Variants in MCCC2 observed in about 807,000 individuals in gnomAD.
MCCC2 encodes methylcrotonyl-CoA carboxylase subunit 2.
In MCCC2, 52 loss-of-function variants were observed where a neutral mutation model predicts 77.2. The observed-to-expected ratio is 0.67, with a 90% CI of 0.54 to 0.85. MCCC2 has a LOEUF of 0.85. MCCC2 is among the 40% of genes least tolerant of loss of function. The pLI is 0.00. For synonymous variants in MCCC2, 253 were observed against 248.4 expected, an observed-to-expected ratio of 1.02 and a Z score of -0.18; for missense variants, 682 against 703.2, an observed-to-expected ratio of 0.97 and a Z score of 0.34.
At chr5:71,642,952 AT>A (rs1407631084) in intron 11 of MCCC2, among the ~76,000 whole-genome samples, 1 of 144,712 alleles carries the variant, frequency 6.9e-6, no homozygotes, top group African/African-American at 2.6e-5. Context: ...GCAGTGAGCC[AT>A]GATCTCGCCA....
chr5:71,645,695 T>C (rs1247383272), intron 12 of MCCC2, among the ~76,000 whole-genome samples: 1 of 152,230 alleles, frequency 6.6e-6, no homozygotes, highest in Non-Finnish European at 1.5e-5. Context: ...CTTTCTTTTC[T>C]GTTACTTAAG....
chr5:71,635,454 ACC>A, intron 10 of MCCC2: 1 of 638,468 alleles, frequency 1.6e-6, no homozygotes, highest in Admixed American at 2.2e-5. Flanking sequence ...GGAGTGGGGG[ACC>A]TCAATGATTG....
At position 71,658,483 on chromosome 5, in the gene MCCC2, T is replaced by C. The variant is rs1273272395; in HGVS notation, c.*1623T>C. On this transcript the variant is annotated 3_prime_UTR_variant, in exon 17 of 17. Coordinates refer to ENST00000340941, the MANE Select transcript of MCCC2 (RefSeq NM_022132.5). ...CATCATTTTCCTATAAACATTAATA[T>C]TGTCCTCCTGCTAGAATGTAAGCTC... is the stretch of plus-strand genomic sequence containing the variant. 1.3e-5 allele frequency: 2 copies of C among 152,216 alleles called. No homozygotes were observed. The highest frequency in any genetic ancestry group is 1.9e-4 in the East Asian group (1 of 5,202). 9.4% of individuals were successfully genotyped at this position (152,216 alleles called of 1,614,324 possible). A position where few individuals can be genotyped will look rare whatever the true frequency, so the allele number is the denominator to read the frequency against.
intron 10 of MCCC2, among the ~76,000 whole-genome samples, chr5:71,639,565 C>T: frequency 6.6e-6 from 1 of 152,192 alleles, no homozygotes; most frequent in Non-Finnish European, 1.5e-5. Context: ...CTCAAACCTT[C>T]TCCATATCAG....
At chr5:71,656,222 A>G (rs149890977) in intron 16 of MCCC2, among the ~76,000 whole-genome samples, 5 of 152,258 alleles carry the variant, frequency 3.3e-5, no homozygotes, top group African/African-American at 1.2e-4. Flanking sequence ...TCCATCTCAA[A>G]AATAATAATA....
At chr5:71,626,381 A>T (rs1014295913) in intron 6 of MCCC2, among the ~76,000 whole-genome samples, 4 of 152,252 alleles carry the variant, frequency 2.6e-5, no homozygotes, top group Non-Finnish European at 4.4e-5. Flanking sequence ...CCAGTAGTCT[A>T]TCAGGCCAGT....
intron 13 of MCCC2, among the ~76,000 whole-genome samples, chr5:71,647,589 A>G (rs1276771303): frequency 2.0e-5 from 3 of 152,046 alleles, no homozygotes; most frequent in African/African-American, 7.2e-5. Context: ...TCAGCATTGC[A>G]TTTGAGGTTC....
intron 11 of MCCC2, among the ~76,000 whole-genome samples, chr5:71,642,523 C>T (rs1267227257): frequency 6.6e-6 from 1 of 152,224 alleles, no homozygotes; most frequent in African/African-American, 2.4e-5. Context: ...ATGTTCCCTA[C>T]TCAGCGCATC....
At chr5:71,630,296 G>T (rs1174566748) in intron 7 of MCCC2, among the ~76,000 whole-genome samples, 1 of 152,134 alleles carries the variant, frequency 6.6e-6, no homozygotes, top group Non-Finnish European at 1.5e-5. Context: ...GAAAAAAACA[G>T]ATAGTAAGAC....
intron 6 of MCCC2, among the ~76,000 whole-genome samples, chr5:71,617,497 C>T (rs1296539171): frequency 6.6e-6 from 1 of 152,148 alleles, no homozygotes; most frequent in African/African-American, 2.4e-5. Context: ...ATGGTACTTA[C>T]TTAATATTTA....
At chr5:71,643,649 C>A in intron 11 of MCCC2, 170 bp from the exon 12 acceptor site, 1 of 1,302,258 alleles carries the variant, frequency 7.7e-7, no homozygotes, top group Non-Finnish European at 1.1e-6. Context: ...GAGTCTAGGA[C>A]CTTAGGAACA....
intron 2 of MCCC2, among the ~76,000 whole-genome samples, chr5:71,594,849 C>T (rs1368288360): frequency 6.6e-6 from 1 of 151,928 alleles, no homozygotes; most frequent in African/African-American, 2.4e-5. Context: ...ATTGTAAGGC[C>T]CCACTCTAGA....
chr5:71,649,220 C>T lies in MCCC2; in HGVS notation c.1340C>T (p.Ala447Val). 2 of 1,614,132 alleles carry T rather than the reference C, an allele frequency of 1.2e-6. No individual in the cohort carries two copies. Among genetic ancestry groups the T allele is most frequent in the Non-Finnish European group, 1.7e-6 (2 of 1,180,002 alleles). ...ITLIIGGSYG[A>V]GNYGMCGRAY... Reference sequence around the variant, plus strand: ...CTCATCATTGGGGGCTCCTATGGAGCCGGAAACTATGGGATGTGTGGCAGA... The same window carrying T: ...CTCATCATTGGGGGCTCCTATGGAGTCGGAAACTATGGGATGTGTGGCAGA... Residue 447 changes from alanine to valine, a missense_variant, in exon 14 of 17, where the codon GCC becomes GTC. Coordinates refer to ENST00000340941, the MANE Select transcript of MCCC2 (RefSeq NM_022132.5).
intron 10 of MCCC2, among the ~76,000 whole-genome samples, chr5:71,637,903 G>A (rs1174126912): frequency 3.3e-5 from 5 of 151,786 alleles, no homozygotes; most frequent in Admixed American, 2.6e-4. Flanking sequence ...TAGTAGAGAC[G>A]GGGTTTCACC....
At chr5:71,619,366 G>A (rs1746287440) in intron 6 of MCCC2, among the ~76,000 whole-genome samples, 1 of 152,030 alleles carries the variant, frequency 6.6e-6, no homozygotes, top group African/African-American at 2.4e-5. Flanking sequence ...TGATCCACCT[G>A]CCTCAGCCTC....
At chr5:71,596,452 C>G in intron 3 of MCCC2, 88 bp downstream of exon 3, 1 of 1,172,398 alleles carries the variant, frequency 8.5e-7, no homozygotes, top group African/African-American at 1.5e-5. Flanking sequence ...ATTTTGAATT[C>G]TAGTTCTCAT....
intron 6 of MCCC2, among the ~76,000 whole-genome samples, chr5:71,614,302 C>A (rs903604643): frequency 1.3e-5 from 2 of 152,042 alleles, no homozygotes; most frequent in African/African-American, 4.8e-5. Context: ...TTAATACTAA[C>A]CTCTCCTTTT....
At chr5:71,635,646 T>C (rs1746889603) in intron 10 of MCCC2, 8 of 347,708 alleles carry the variant, frequency 2.3e-5, no homozygotes, top group South Asian at 1.8e-4. Flanking sequence ...CCCTTTTAGA[T>C]CAATATGACA....
chr5:71,617,290 A>G (rs1278752531), intron 6 of MCCC2, among the ~76,000 whole-genome samples: 1 of 152,138 alleles, frequency 6.6e-6, no homozygotes, highest in Non-Finnish European at 1.5e-5. Flanking sequence ...CCACCCTTTT[A>G]AGGAAATCCC....
Sources: gnomAD v4.1 joint callset for allele counts (sites outside exome capture counted in the v4.1 genomes callset) on GRCh38, gnomAD v4.1.1 for gene constraint, MANE v1.5 for transcripts, NCBI Gene and HGNC (gene_info 2026-07-23, HGNC 2026-07-21) for gene names.